RCOR1: variants seen among roughly 807,000 people sequenced by gnomAD.
RCOR1 encodes REST corepressor.
Under a neutral mutation model 64.0 loss-of-function variants are expected in RCOR1, and 12 were observed. The ratio of observed to expected loss-of-function variants is 0.19; its 90% CI spans 0.12 to 0.30. The LOEUF (loss-of-function observed/expected upper bound fraction) is 0.30. Among genes scored for constraint, RCOR1 ranks in the 10% least tolerant of loss-of-function variants. The probability of loss-of-function intolerance (pLI) is 1.00; values close to 1 mark genes in which losing one functional copy is unlikely to be tolerated. For synonymous variants in RCOR1, 279 were observed against 227.2 expected (o/e 1.23, Z -2.05); for missense variants, 502 against 621.2 (o/e 0.81, Z 2.04).
intron 2 of RCOR1, among the ~76,000 whole-genome samples, chr14:102,632,099 C>T (rs746372783): frequency 1.3e-5 from 2 of 149,516 alleles, no homozygotes; most frequent in Non-Finnish European, 3.0e-5. Context: ...CGTGAGCCAC[C>T]GTGCCGAGCC....
chr14:102,662,342 C>T (rs1053213561), intron 2 of RCOR1: 6 of 566,110 alleles, frequency 1.1e-5, no homozygotes, highest in Non-Finnish European at 1.7e-5. Flanking sequence ...GGGTGTTGAC[C>T]GGGCCACATC....
rs1567413276 is a variant in RCOR1, at chr14:102,627,832, G to A, written c.361+34507G>A. 3.3e-5 allele frequency among the ~76,000 whole-genome samples: 5 copies of A among 152,000 alleles called. 1 individual carries two copies. Among genetic ancestry groups the A allele is most frequent in the South Asian group, 2.1e-4 (1 of 4,830 alleles). ...CAATTGCTCCATGTTGCTAAATCCAGCAATCTGTTTGCAGTCTTCACCTTA... is the reference window on the plus strand; with the variant it reads ...CAATTGCTCCATGTTGCTAAATCCAACAATCTGTTTGCAGTCTTCACCTTA... On this transcript the variant is annotated intron_variant, in intron 2 of 11. Coordinates refer to ENST00000262241, the MANE Select transcript of RCOR1 (RefSeq NM_015156.4).
In RCOR1 at chr14:102,666,372, T is replaced by C. The variant is rs112798951; in HGVS notation, c.362-15523T>C. On this transcript the variant is annotated intron_variant, in intron 2 of 11. Coordinates refer to ENST00000262241, the MANE Select transcript of RCOR1 (RefSeq NM_015156.4). Reference sequence around the variant, plus strand: ...TAGATTTACAGGAAAGTTGTAAAGATAGTACAAAGAGTTTCCATATACCCT... The same window carrying C: ...TAGATTTACAGGAAAGTTGTAAAGACAGTACAAAGAGTTTCCATATACCCT... Among the ~76,000 whole-genome samples the C allele has an allele frequency of 6.6e-3, 1,010 of 152,336 alleles. 12 individuals carry two copies. Among genetic ancestry groups the C allele is most frequent in the African/African-American group, 0.023 (975 of 41,570 alleles).
chr14:102,669,790 C>G (rs1440512129), intron 2 of RCOR1, among the ~76,000 whole-genome samples: 1 of 152,130 alleles, frequency 6.6e-6, no homozygotes, highest in East Asian at 1.9e-4. Flanking sequence ...TCTTGCCATT[C>G]CCTTTGATTT....
intron 3 of RCOR1, among the ~76,000 whole-genome samples, chr14:102,685,506 G>A (rs1895399848): frequency 1.3e-5 from 2 of 148,470 alleles, no homozygotes; most frequent in African/African-American, 5.0e-5. Flanking sequence ...TTTTGAGACA[G>A]AGGTTTATTC....
In RCOR1 at chr14:102,658,078, G is replaced by A. The variant is rs557332717; in HGVS notation, c.362-23817G>A. On this transcript the variant is annotated intron_variant, in intron 2 of 11. Transcript: ENST00000262241. Reference sequence around the variant, plus strand: ...TAACCTCTGCCTCCCAGGTTCAGGTGATTCTCCTGCCTCAGCCTCCCAAGT... The same window carrying A: ...TAACCTCTGCCTCCCAGGTTCAGGTAATTCTCCTGCCTCAGCCTCCCAAGT... 4.9e-5 allele frequency: 17 copies of A among 348,864 alleles called. No individual in the cohort carries two copies. The South Asian group carries it at 1.6e-3, about 33-fold the overall frequency. The allele number at this position is 348,864 out of a possible 1,614,324, so 21.6% of individuals were successfully genotyped here.
At chr14:102,644,711 A>G (rs868152142) in intron 2 of RCOR1, among the ~76,000 whole-genome samples, 49 of 152,340 alleles carry the variant, frequency 3.2e-4, no homozygotes, top group African/African-American at 1.1e-3. Context: ...TTAAAATGGC[A>G]GGACAAGCTT....
intron 7 of RCOR1, among the ~76,000 whole-genome samples, chr14:102,711,352 C>T (rs369841836): frequency 9.2e-5 from 14 of 152,320 alleles, no homozygotes; most frequent in Admixed American, 5.9e-4. Context: ...TCTCCATTCA[C>T]GCTATAGATG....
chr14:102,673,912 GCC>G (rs1277543715), intron 2 of RCOR1, among the ~76,000 whole-genome samples: 1 of 152,220 alleles, frequency 6.6e-6, no homozygotes, highest in Non-Finnish European at 1.5e-5. Context: ...ACCGCGCCCA[GCC>G]CCCGTTGATG....
chr14:102,722,522 T>G (rs1896185778), intron 11 of RCOR1, 106 bp downstream of exon 11: 7 of 853,534 alleles, frequency 8.2e-6, no homozygotes, highest in African/African-American at 1.7e-5. Context: ...AGGTATCAGC[T>G]GTATTAGTAA....
chr14:102,710,800 C>T, intron 6 of RCOR1, 135 bp from the exon 7 acceptor site: 1 of 656,152 alleles, frequency 1.5e-6, no homozygotes, highest in Admixed American at 3.2e-5. Context: ...TGAAAACATA[C>T]TAATTTTATA....
At chr14:102,721,563 AT>A (rs995980575) in intron 10 of RCOR1, 186 bp downstream of exon 10, 900 of 332,582 alleles carry the variant, frequency 2.7e-3, no homozygotes, top group Middle Eastern at 4.8e-3. Context: ...AAAAAAAAAA[AT>A]TTTTTTTTTA....
At chr14:102,677,045 T>C (rs1257539454) in intron 2 of RCOR1, among the ~76,000 whole-genome samples, 6 of 88,744 alleles carry the variant, frequency 6.8e-5, no homozygotes, top group Admixed American at 1.1e-4. Flanking sequence ...ACCCCCCACC[T>C]CCCTCCCGGA....
chr14:102,653,923 CT>C (rs1894648036), intron 2 of RCOR1, among the ~76,000 whole-genome samples: 1 of 17,218 alleles, frequency 5.8e-5, no homozygotes, highest in Non-Finnish European at 1.1e-4. Context: ...GTATTTCCTT[CT>C]TTCTTTCTTT....
In RCOR1 at chr14:102,593,122, A is replaced by T; in HGVS notation, c.236A>T (p.Asn79Ile). The T allele has an allele frequency of 6.6e-7, 1 of 1,514,242 alleles. No homozygotes were observed. The allele number at this position is 1,514,242 out of a possible 1,614,324, so 93.8% of individuals were successfully genotyped here. The change falls in exon 1 of 12, where the codon AAT becomes ATT. Residue 79 changes from asparagine to isoleucine, a missense_variant. By Grantham distance (149) the Asn-to-Ile change is moderately radical. This residue lies in a region of RCOR1 where 242 missense variants were observed against 204.9 expected (regional missense o/e 1.18). Transcript: ENST00000262241. ...AAAAGTTTGGCGGCGGCGGCGCCCA[A>T]TGGCAACAGCAGCAGCAACTCCTGG... ...QNKSLAAAAP[N>I]GNSSSNSWEE...
At chr14:102,722,076 C>A in intron 10 of RCOR1, 111 bp from the exon 11 acceptor site, 1 of 742,108 alleles carries the variant, frequency 1.3e-6, no homozygotes, top group Non-Finnish European at 2.2e-6. Flanking sequence ...TTATTGCCTG[C>A]TGTTAAAAGC....
chr14:102,664,396 T>C (rs1016984470), intron 2 of RCOR1, among the ~76,000 whole-genome samples: 2 of 152,240 alleles, frequency 1.3e-5, no homozygotes, highest in Admixed American at 1.3e-4. Context: ...ATTACAGGTA[T>C]GAGCCACCAT....
chr14:102,672,525 A>G (rs1012260611), intron 2 of RCOR1, among the ~76,000 whole-genome samples: 2 of 152,106 alleles, frequency 1.3e-5, no homozygotes, highest in Non-Finnish European at 2.9e-5. Flanking sequence ...GGGTTATATG[A>G]TAATCTTTTG....
At chr14:102,628,354 C>G (rs1159141737) in intron 2 of RCOR1, among the ~76,000 whole-genome samples, 1 of 152,114 alleles carries the variant, frequency 6.6e-6, no homozygotes, top group Non-Finnish European at 1.5e-5. Context: ...TAAAATTAAC[C>G]ATTACAGAAC....
Sources: allele counts gnomAD v4.1 joint callset (sites outside exome capture counted in the v4.1 genomes callset), GRCh38; gene constraint gnomAD v4.1.1; regional missense constraint gnomAD v4.1.1; transcripts MANE v1.5; gene names NCBI Gene and HGNC (gene_info 2026-07-23, HGNC 2026-07-21).